Variants in PACSIN2 observed in about 807,000 individuals in gnomAD.
PACSIN2 encodes protein kinase C and casein kinase substrate in neurons protein 2.
PACSIN2 carries 25 observed loss-of-function variants against 63.8 expected under a neutral mutation model. That is an observed-to-expected ratio of 0.39 (90% CI 0.29 to 0.55). The LOEUF (loss-of-function observed/expected upper bound fraction) is 0.55, where lower values mean the gene tolerates loss of function less well. Ranked by LOEUF, PACSIN2 falls within the 20% of genes least tolerant of loss-of-function variation. The pLI is 0.62. For missense variants in PACSIN2, 518 were observed against 646.9 expected (o/e 0.80, Z 2.16); for synonymous variants, 255 against 256.2 (o/e 1.00, Z 0.05).
chr22:42,894,058 C>G (rs1237129568), intron 2 of PACSIN2, among the ~76,000 whole-genome samples: 1 of 151,968 alleles, frequency 6.6e-6, no homozygotes, highest in Non-Finnish European at 1.5e-5. Context: ...GCTGTAAAAA[C>G]TTTTCCACTT....
At chr22:42,897,117 T>G (rs1037980323) in intron 2 of PACSIN2, among the ~76,000 whole-genome samples, 2 of 152,066 alleles carry the variant, frequency 1.3e-5, no homozygotes, top group African/African-American at 4.8e-5. Flanking sequence ...TTGTATTTTT[T>G]GCAGAGACAG....
chr22:43,003,708 A>G (rs1198486902), intron 1 of PACSIN2, among the ~76,000 whole-genome samples: 1 of 152,256 alleles, frequency 6.6e-6, no homozygotes, highest in African/African-American at 2.4e-5. Context: ...GCAATTTTAC[A>G]AAGTGCAGTC....
At chr22:42,918,176 A>AGACAGGCC (rs969731556) in intron 1 of PACSIN2, among the ~76,000 whole-genome samples, 1 of 152,208 alleles carries the variant, frequency 6.6e-6, no homozygotes, top group Non-Finnish European at 1.5e-5. Flanking sequence ...GGGCCACTGC[A>AGACAGGCC]GACAGGCCAC....
At chr22:43,005,765 C>T (rs1924051932) in intron 1 of PACSIN2, among the ~76,000 whole-genome samples, 1 of 152,084 alleles carries the variant, frequency 6.6e-6, no homozygotes, top group South Asian at 2.1e-4. Flanking sequence ...TGGGGTCCAT[C>T]ACCTCATGCT....
Position 42,871,157 on chromosome 22 carries a change from C to T in PACSIN2, c.*200G>A, listed in dbSNP as rs534640893. The T allele has an allele frequency of 1.9e-4, 113 of 595,556 alleles. No individual in the cohort carries two copies. The highest frequency in any genetic ancestry group is 1.9e-3 in the African/African-American group (101 of 53,974). The allele number at this position is 595,556 out of a possible 1,614,324, so 36.9% of individuals were successfully genotyped here. ...ATTTCTGTTGTTCTGCGTCTTCCTGCGCTCAGATCCCTCCAGCTGCACTCG... is the reference window on the plus strand; with the variant it reads ...ATTTCTGTTGTTCTGCGTCTTCCTGTGCTCAGATCCCTCCAGCTGCACTCG... On this transcript the variant is annotated 3_prime_UTR_variant, in exon 11 of 11. Coordinates refer to ENST00000263246, the MANE Select transcript of PACSIN2 (RefSeq NM_001184970.3). The surrounding 1 kb of genome is among the most constrained non-coding windows in gnomAD (Gnocchi z 5.4).
chr22:43,004,731 GA>G (rs577019271), intron 1 of PACSIN2, among the ~76,000 whole-genome samples: 78 of 152,344 alleles, frequency 5.1e-4, no homozygotes, highest in Middle Eastern at 3.4e-3. Flanking sequence ...CATTCAATAG[GA>G]AACTTCAGAA....
intron 2 of PACSIN2, among the ~76,000 whole-genome samples, chr22:42,911,053 C>T (rs1239480402): frequency 2.6e-5 from 4 of 151,996 alleles, no homozygotes; most frequent in Admixed American, 6.6e-5. Flanking sequence ...TACAGGTGCC[C>T]ACCACCACGC....
At chr22:42,882,078 G>T in intron 7 of PACSIN2, 106 bp downstream of exon 7, 1 of 1,346,156 alleles carries the variant, frequency 7.4e-7, no homozygotes, top group Non-Finnish European at 1.1e-6. Flanking sequence ...GATAAACAGG[G>T]CAAACACTAA....
At chr22:42,918,035 C>A (rs988943152) in intron 1 of PACSIN2, among the ~76,000 whole-genome samples, 1 of 152,172 alleles carries the variant, frequency 6.6e-6, no homozygotes, top group African/African-American at 2.4e-5. Flanking sequence ...TCCCCACTTG[C>A]CTGGCAGAAT....
At chr22:42,987,548 T>TTTTTTTTTTTTA (rs1922721203) in intron 1 of PACSIN2, among the ~76,000 whole-genome samples, 11 of 124,826 alleles carry the variant, frequency 8.8e-5, no homozygotes, top group South Asian at 2.7e-4. Context: ...TTTTTTTTTT[T>TTTTTTTTTTTTA]GAGACAGGAG....
At chr22:42,940,760 T>A (rs1933121772) in intron 1 of PACSIN2, among the ~76,000 whole-genome samples, 1 of 152,092 alleles carries the variant, frequency 6.6e-6, no homozygotes, top group Non-Finnish European at 1.5e-5. Flanking sequence ...AGAATAAAAT[T>A]CTGGGTATAC....
intron 1 of PACSIN2, among the ~76,000 whole-genome samples, chr22:42,969,043 CTCCA>C (rs60039459): frequency 3.3e-5 from 5 of 150,886 alleles, no homozygotes; most frequent in Admixed American, 6.6e-5. Flanking sequence ...ATCTATCTAT[CTCCA>C]TCCATCCATC....
At chr22:42,915,136 G>T (rs1400091100) in intron 1 of PACSIN2, among the ~76,000 whole-genome samples, 3 of 152,196 alleles carry the variant, frequency 2.0e-5, no homozygotes, top group Admixed American at 2.0e-4. Flanking sequence ...CCAAATTGCT[G>T]AGATTACATG....
At chr22:42,937,616 G>C (rs749288079) in intron 1 of PACSIN2, among the ~76,000 whole-genome samples, 2 of 152,044 alleles carry the variant, frequency 1.3e-5, no homozygotes, top group Non-Finnish European at 2.9e-5. Context: ...CAAGCAGTCA[G>C]GCATGTGAGT....
intron 1 of PACSIN2, among the ~76,000 whole-genome samples, chr22:42,983,086 G>A (rs900941737): frequency 2.0e-5 from 3 of 151,770 alleles, no homozygotes; most frequent in African/African-American, 7.2e-5. Context: ...GGAAGCTGAG[G>A]CGGGTGGATT....
At chr22:42,892,419 G>A (rs570836892) in intron 3 of PACSIN2, among the ~76,000 whole-genome samples, 13 of 152,240 alleles carry the variant, frequency 8.5e-5, no homozygotes, top group Admixed American at 3.3e-4. Flanking sequence ...CTGTGCCTTC[G>A]TGTCTACAAA....
intron 1 of PACSIN2, among the ~76,000 whole-genome samples, chr22:42,934,900 T>TTTTCTTTTC (rs1932864598): frequency 2.8e-5 from 2 of 71,964 alleles, no homozygotes; most frequent in African/African-American, 7.9e-5. Context: ...CTTTCTTTTC[T>TTTTCTTTTC]TTTCTTTCTT....
intron 2 of PACSIN2, among the ~76,000 whole-genome samples, chr22:42,895,286 T>C (rs560919683): frequency 6.6e-6 from 1 of 152,342 alleles, no homozygotes; most frequent in East Asian, 1.9e-4. Flanking sequence ...TACTGTCATT[T>C]TGAAATTTAC....
At chr22:42,884,283 A>C (rs1929303368) in intron 6 of PACSIN2, 103 bp downstream of exon 6, 1 of 1,070,186 alleles carries the variant, frequency 9.3e-7, no homozygotes, top group East Asian at 2.4e-5. Context: ...AGACCTCCTG[A>C]TGAACGCGCC....
Sources: gnomAD v4.1 joint callset for allele counts (sites outside exome capture counted in the v4.1 genomes callset) on GRCh38, gnomAD v4.1.1 for gene constraint, Gnocchi (gnomAD v3.1) non-coding constraint, MANE v1.5 for transcripts, NCBI Gene and HGNC (gene_info 2026-07-23, HGNC 2026-07-21) for gene names.